The following DGKH variants were observed in gnomAD, a reference collection of about 807,000 sequenced individuals.
DGKH encodes diacylglycerol kinase eta.
A neutral mutation model predicts 159.3 loss-of-function variants in DGKH; 90 were observed. The observed-to-expected ratio is 0.57, with a 90% CI of 0.48 to 0.67. The LOEUF is 0.67. Among genes scored for constraint, DGKH ranks in the 30% least tolerant of loss-of-function variants. DGKH has a pLI of 0.00. For synonymous variants in DGKH, 536 were observed against 553.8 expected, an observed-to-expected ratio of 0.97 and a Z score of 0.45; for missense variants, 1,181 against 1,506.1, an observed-to-expected ratio of 0.78 and a Z score of 3.57.
At chr13:42,098,005 A>G (rs769995432) in intron 1 of DGKH, among the ~76,000 whole-genome samples, 1 of 152,122 alleles carries the variant, frequency 6.6e-6, no homozygotes, top group Non-Finnish European at 1.5e-5. Flanking sequence ...TCTGCTTTAT[A>G]TCTTACAAAA....
At chr13:42,177,406 A>C (rs1224809735) in intron 12 of DGKH, among the ~76,000 whole-genome samples, 2 of 152,186 alleles carry the variant, frequency 1.3e-5, no homozygotes, top group Non-Finnish European at 2.9e-5. Context: ...GCACAAATAC[A>C]CTGCAATTTG....
intron 1 of DGKH, among the ~76,000 whole-genome samples, chr13:42,057,357 A>G (rs981232359): frequency 6.6e-6 from 1 of 152,184 alleles, no homozygotes; most frequent in Non-Finnish European, 1.5e-5. Flanking sequence ...TCTCCATCTC[A>G]CTATTTTATG....
chr13:42,092,158 G>T (rs1594014969), intron 1 of DGKH, among the ~76,000 whole-genome samples: 1 of 152,286 alleles, frequency 6.6e-6, no homozygotes, highest in East Asian at 1.9e-4. Context: ...GTAAAGTAGT[G>T]CAGCCATTAT....
Position 42,172,717 on chromosome 13 carries a change from A to G in DGKH, c.1368-1343A>G, listed in dbSNP as rs556140877. 7.2e-5 allele frequency among the ~76,000 whole-genome samples: 11 copies of G among 152,290 alleles called. No homozygotes were observed. In the South Asian group the frequency reaches 2.3e-3, roughly 32 times the overall value. ...AGATGGAGTTTTGCTGTTGTCATCG[A>G]GGCTGGAGTGCAGTGGCATGATCTT... is the stretch of plus-strand genomic sequence containing the variant. On this transcript the variant is annotated intron_variant, in intron 11 of 29. Transcript: ENST00000337343.
In DGKH at chr13:42,166,607, C is replaced by T. The variant is rs780875388; in HGVS notation, c.1051C>T (p.Arg351Cys). Reference protein sequence around the residue: ...SGDNQGVKFLRRFKQLLNPAQ... With the variant: ...SGDNQGVKFLCRFKQLLNPAQ... ...AGATAATCAGGGAGTAAAGTTCCTC[C>T]GTCGCTTTAAACAGTTGCTAAATCC... Residue 351 changes from arginine to cysteine, a missense_variant, in exon 9 of 30, where the codon CGT becomes TGT. Arg to Cys is a radical substitution (Grantham distance 180). Around this residue, in one of 5 missense-constraint regions of DGKH, gnomAD observed 369 missense variants for 519.4 expected, o/e 0.71. Coordinates refer to ENST00000337343, the MANE Select transcript of DGKH (RefSeq NM_178009.5). 4.4e-6 allele frequency: 7 copies of T among 1,607,672 alleles called. No individual in the cohort carries two copies. The highest frequency in any genetic ancestry group is 1.3e-5 in the African/African-American group (1 of 74,492).
intron 14 of DGKH, 69 bp from the exon 15 acceptor site, chr13:42,188,967 T>C (rs1956995579): frequency 1.3e-6 from 2 of 1,530,070 alleles, no homozygotes; most frequent in Non-Finnish European, 8.8e-7. Context: ...CTATAAAAAT[T>C]TCTTGTACTT....
At chr13:42,110,409 T>C (rs1211528051) in intron 1 of DGKH, among the ~76,000 whole-genome samples, 1 of 152,158 alleles carries the variant, frequency 6.6e-6, no homozygotes, top group Non-Finnish European at 1.5e-5. Context: ...AAACGTGATG[T>C]CTAGTGGTTT....
chr13:42,164,744 T>G (rs181431313), intron 7 of DGKH, among the ~76,000 whole-genome samples: 1 of 152,296 alleles, frequency 6.6e-6, no homozygotes, highest in East Asian at 1.9e-4. Context: ...CGCATCACTT[T>G]CCTTTACCTT....
At chr13:42,246,440 A>AGG (rs1958580509), downstream of DGKH, among the ~76,000 whole-genome samples, 1 of 152,118 alleles carries the variant, frequency 6.6e-6, no homozygotes, top group Non-Finnish European at 1.5e-5. Context: ...AAAGAGAGAG[A>AGG]GAATACAGGC....
downstream of DGKH, among the ~76,000 whole-genome samples, chr13:42,244,682 A>T (rs1329800326): frequency 6.6e-6 from 1 of 152,002 alleles, no homozygotes; most frequent in East Asian, 1.9e-4. Context: ...AGGCGGGCGG[A>T]TCACGAGGTC....
intron 1 of DGKH, among the ~76,000 whole-genome samples, chr13:42,114,029 A>G (rs1954919436): frequency 6.6e-6 from 1 of 152,194 alleles, no homozygotes; most frequent in Non-Finnish European, 1.5e-5. Context: ...CTCTACAAAT[A>G]GTAGTTCATT....
At chr13:42,217,566 C>T (rs1047889270) in intron 26 of DGKH, among the ~76,000 whole-genome samples, 1 of 151,570 alleles carries the variant, frequency 6.6e-6, no homozygotes, top group South Asian at 2.1e-4. Context: ...TTTTTAATCA[C>T]TACTAGAAGT....
chr13:42,180,330 C>G (rs1407294210), intron 13 of DGKH, among the ~76,000 whole-genome samples: 2 of 152,006 alleles, frequency 1.3e-5, no homozygotes, highest in African/African-American at 4.8e-5. Flanking sequence ...GCCCACCAAA[C>G]AAAGAGAGTG....
chr13:42,072,375 TGTC>T (rs1883031486), intron 1 of DGKH, among the ~76,000 whole-genome samples: 2 of 152,332 alleles, frequency 1.3e-5, no homozygotes, highest in Non-Finnish European at 2.9e-5. Context: ...CTCACAGAGT[TGTC>T]GTGATGATTT....
At chr13:42,083,341 T>C (rs1423978284) in intron 1 of DGKH, among the ~76,000 whole-genome samples, 2 of 150,522 alleles carry the variant, frequency 1.3e-5, no homozygotes, top group East Asian at 1.9e-4. Flanking sequence ...ATACTGTAAG[T>C]AGTGGTATGA....
intron 1 of DGKH, among the ~76,000 whole-genome samples, chr13:42,096,199 G>C (rs1276631016): frequency 2.0e-5 from 3 of 151,754 alleles, no homozygotes; most frequent in East Asian, 3.9e-4. Flanking sequence ...TGTCACCCAG[G>C]TACTGAACAC....
chr13:42,210,291 C>T (rs1330694318), intron 23 of DGKH, among the ~76,000 whole-genome samples: 2 of 151,828 alleles, frequency 1.3e-5, no homozygotes, highest in Admixed American at 1.3e-4. Flanking sequence ...CTACCTCAGC[C>T]CAGCTAATTA....
At chr13:42,127,260 C>T (rs1161376013) in intron 1 of DGKH, among the ~76,000 whole-genome samples, 1 of 152,118 alleles carries the variant, frequency 6.6e-6, no homozygotes, top group African/African-American at 2.4e-5. Flanking sequence ...TCTTTGAGGG[C>T]GGAGAACCAT....
downstream of DGKH, among the ~76,000 whole-genome samples, chr13:42,247,324 G>C (rs916673550): frequency 1.3e-5 from 2 of 150,942 alleles, no homozygotes; most frequent in African/African-American, 4.9e-5. Context: ...TGTGCCTCCT[G>C]GGTTCAAGCA....
Sources: gnomAD v4.1 joint callset for allele counts (sites outside exome capture counted in the v4.1 genomes callset) on GRCh38, gnomAD v4.1.1 for gene constraint, gnomAD v4.1.1 regional missense constraint, MANE v1.5 for transcripts, NCBI Gene and HGNC (gene_info 2026-07-23, HGNC 2026-07-21) for gene names.